IFT20: variants seen among roughly 807,000 people sequenced by gnomAD.
The protein encoded by IFT20 is intraflagellar transport protein 20 homolog.
IFT20 carries 4 observed loss-of-function variants against 16.9 expected under a neutral mutation model. That is an observed-to-expected ratio of 0.24 (90% CI 0.12 to 0.54). IFT20 has a LOEUF of 0.54. IFT20 is among the 20% of genes least tolerant of loss of function. The pLI is 0.95. For missense variants in IFT20, 154 were observed against 149.7 expected (o/e 1.03, Z -0.15); for synonymous variants, 48 against 49.9 (o/e 0.96, Z 0.16).
intron 1 of IFT20, chr17:28,332,276 A>G: frequency 7.0e-7 from 1 of 1,435,232 alleles, no homozygotes; most frequent in Non-Finnish European, 9.4e-7. Flanking sequence ...GGCATCGTTC[A>G]TTCAACACAC....
At chr17:28,328,975 G>C in intron 4 of IFT20, 198 bp downstream of exon 4, 1 of 611,092 alleles carries the variant, frequency 1.6e-6, no homozygotes, top group East Asian at 2.9e-5. Flanking sequence ...TACTAGAGGT[G>C]GTTTGATATT....
chr17:28,329,490 AT>A lies in IFT20; in HGVS notation c.214-215del, dbSNP rs1392727291. 3.8e-5 allele frequency: 20 copies of A among 519,490 alleles called. No homozygotes were observed. In the African/African-American group the frequency reaches 3.9e-4, roughly 10 times the overall value. 32.2% of individuals were successfully genotyped at this position (519,490 alleles called of 1,614,324 possible). A position where few individuals can be genotyped will look rare whatever the true frequency, so the allele number is the denominator to read the frequency against. On this transcript the variant is annotated intron_variant, in intron 3 of 4. Transcript: ENST00000395418. ...GCAGCTTTGAGGCAGGTCTAGGAGT[AT>A]TCCTAGAGCCAGGGACACAGGCACA...
At chr17:28,332,041 C>T (rs1906823443) in intron 1 of IFT20, 54 bp from the exon 2 acceptor site, 2 of 1,612,652 alleles carry the variant, frequency 1.2e-6, no homozygotes, top group Non-Finnish European at 1.7e-6. Context: ...CAAGGAAATG[C>T]CTGCTGCCAA....
Position 28,331,891 on chromosome 17 carries a change from T to A in IFT20, c.95A>T (p.Glu32Val). ...LDPEVTQQTI[E>V]LKEECKDFVD... Reference sequence around the variant, plus strand: ...AAAGTCTTTGCACTCTTCCTTCAGCTCTATGGTCTGCTGGGTAACCTCTGG... The same window carrying A: ...AAAGTCTTTGCACTCTTCCTTCAGCACTATGGTCTGCTGGGTAACCTCTGG... The change falls in exon 2 of 5, where the codon GAG becomes GTG. Residue 32 changes from glutamate to valine, a missense_variant. Physicochemically the swap from Glu to Val is moderately radical, Grantham distance 121 (BLOSUM62 -2). Transcript: ENST00000395418. 6.2e-7 allele frequency: 1 copy of A among 1,614,164 alleles called. No homozygotes were observed. The highest frequency in any genetic ancestry group is 8.5e-7 in the Non-Finnish European group (1 of 1,180,006).
At position 28,332,130 on chromosome 17, in the gene IFT20, CCT is replaced by C. The variant is rs147393325; in HGVS notation, c.-2-145_-2-144del. ...AGGATCCCCGTTCCCTCTGCCACCACCTCTCTGAGCCTCACCTGTTTCCCATC... is the reference window on the plus strand; with the variant it reads ...AGGATCCCCGTTCCCTCTGCCACCACCTCTGAGCCTCACCTGTTTCCCATC... On this transcript the variant is annotated intron_variant, in intron 1 of 4. Coordinates refer to ENST00000395418, the MANE Select transcript of IFT20 (RefSeq NM_001267776.2). 3,695 of 1,558,116 alleles carry C rather than the reference CCT, an allele frequency of 2.4e-3. 67 individuals carry two copies. In the African/African-American group the frequency reaches 0.044, roughly 19 times the overall value.
chr17:28,333,098 C>T (rs1277234030), intron 1 of IFT20, among the ~76,000 whole-genome samples: 3 of 151,592 alleles, frequency 2.0e-5, no homozygotes, highest in African/African-American at 7.3e-5. Context: ...CACACACACA[C>T]ACACACACAA....
intron 1 of IFT20, chr17:28,332,429 T>A: frequency 2.1e-6 from 1 of 473,344 alleles, no homozygotes; most frequent in Non-Finnish European, 3.9e-6. Flanking sequence ...CTGCGTTAAA[T>A]GCTTGTTTAG....
intron 1 of IFT20, chr17:28,332,256 G>A (rs1555576706): frequency 1.3e-6 from 2 of 1,507,526 alleles, no homozygotes; most frequent in East Asian, 2.5e-5. Context: ...AAGTCCGCTT[G>A]CTTGTCACAG....
intron 2 of IFT20, chr17:28,331,322 A>G (rs1906762396): frequency 6.4e-6 from 1 of 155,258 alleles, no homozygotes; most frequent in African/African-American, 2.4e-5. Flanking sequence ...ACCCCCCAGA[A>G]AGCTCAGAAG....
intron 2 of IFT20, among the ~76,000 whole-genome samples, chr17:28,330,798 C>A (rs186735835): frequency 6.6e-6 from 1 of 152,304 alleles, no homozygotes; most frequent in East Asian, 1.9e-4. Context: ...ATAGCAAGAC[C>A]CTGTCGCTTA....
chr17:28,332,008 T>A (rs573173902), intron 1 of IFT20, 21 bp from the exon 2 acceptor site: 1 of 1,614,102 alleles, frequency 6.2e-7, no homozygotes, highest in South Asian at 1.1e-5. Context: ...ACAGGCCCAA[T>A]TCCTCATCAC....
intron 4 of IFT20, 28 bp downstream of exon 4, chr17:28,329,145 G>A (rs376036471): frequency 1.3e-6 from 2 of 1,487,530 alleles, no homozygotes; most frequent in East Asian, 4.5e-5. Context: ...GCTGTGTAAA[G>A]AACTTGCTTT....
chr17:28,329,224 T>C lies in IFT20; in HGVS notation c.266A>G (p.Gln89Arg). Residue 89 changes from glutamine to arginine, a missense_variant, in exon 4 of 5, where the codon CAA becomes CGA. Gln to Arg is a conservative substitution (Grantham distance 43). Transcript: ENST00000395418. ...TATTAGGGCTTGAAGTTGCTGCTGT[T>C]GAGCTTCTCTCTGCTTTGCTATAGA... ...LKSIAKQREA[Q>R]QQQLQALIAE... 1.9e-6 allele frequency: 3 copies of C among 1,614,214 alleles called. No homozygotes were observed. The highest frequency in any genetic ancestry group is 1.1e-5 in the South Asian group (1 of 91,082).
intron 3 of IFT20, chr17:28,329,523 C>T: frequency 2.2e-6 from 1 of 447,916 alleles, no homozygotes; most frequent in Non-Finnish European, 4.0e-6. Context: ...CACAATAGCA[C>T]ATTTGGTGGT....
At chr17:28,335,068 C>A (rs1323359508) in intron 1 of IFT20, among the ~76,000 whole-genome samples, 1 of 152,180 alleles carries the variant, frequency 6.6e-6, no homozygotes, top group Non-Finnish European at 1.5e-5. Context: ...TTCTGCGCCC[C>A]GGCTCTCCCA....
chr17:28,330,189 T>C (rs1555576277), intron 3 of IFT20: 4 of 621,494 alleles, frequency 6.4e-6, no homozygotes, highest in African/African-American at 3.8e-5. Context: ...TGAGCCGAGA[T>C]TGCACCAGTG....
Position 28,329,307 on chromosome 17 carries a change from C to T in IFT20, c.214-31G>A, listed in dbSNP as rs781991044. 2.6e-6 allele frequency: 4 copies of T among 1,546,168 alleles called. No homozygotes were observed. The Admixed American group carries it at 5.1e-5, about 20-fold the overall frequency. Reference sequence around the variant, plus strand: ...GTATTGCCAGAGAAGGCCATGGCTTCATTAAAACCATCTACAGCATCAAGT... The same window carrying T: ...GTATTGCCAGAGAAGGCCATGGCTTTATTAAAACCATCTACAGCATCAAGT... On this transcript the variant is annotated intron_variant, in intron 3 of 4. Coordinates refer to ENST00000395418, the MANE Select transcript of IFT20 (RefSeq NM_001267776.2).
rs1450901431 is a variant in IFT20 at position 28,328,378 on chromosome 17, CA to C, written c.*273del. ...CTCCTTCCAAAGCTTTGTGAATTTA[CA>C]AAAAAAAGGATGAAAGTTTACAAAC... On this transcript the variant is annotated 3_prime_UTR_variant, in exon 5 of 5. Coordinates refer to ENST00000395418, the MANE Select transcript of IFT20 (RefSeq NM_001267776.2). 2.9e-4 allele frequency: 94 copies of C among 327,510 alleles called. No individual in the cohort carries two copies. Among genetic ancestry groups the C allele is most frequent in the Middle Eastern group, 8.1e-4 (1 of 1,230 alleles). The allele number at this position is 327,510 out of a possible 1,614,324, so 20.3% of individuals were successfully genotyped here. A position where few individuals can be genotyped will look rare whatever the true frequency, so the allele number is the denominator to read the frequency against.
At chr17:28,331,643 C>T in intron 2 of IFT20, 1 of 546,572 alleles carries the variant, frequency 1.8e-6, no homozygotes, top group South Asian at 2.6e-5. Context: ...ACACCCTCCC[C>T]TCCCCATCCC....
Sources: allele counts gnomAD v4.1 joint callset (sites outside exome capture counted in the v4.1 genomes callset), GRCh38; gene constraint gnomAD v4.1.1; transcripts MANE v1.5; gene names NCBI Gene and HGNC (gene_info 2026-07-23, HGNC 2026-07-21).